TMOD2: variants seen among roughly 807,000 people sequenced by gnomAD.
TMOD2 encodes tropomodulin 2.
TMOD2 carries 22 observed loss-of-function variants against 39.9 expected under a neutral mutation model. That is an observed-to-expected ratio of 0.55 (90% CI 0.39 to 0.79). TMOD2 has a LOEUF of 0.79. Ranked by LOEUF, TMOD2 falls within the 30% of genes least tolerant of loss-of-function variation. The probability of loss-of-function intolerance (pLI) is 0.00; values close to 1 mark genes in which losing one functional copy is unlikely to be tolerated. For synonymous variants in TMOD2, 123 were observed against 146.1 expected, an observed-to-expected ratio of 0.84 and a Z score of 1.14; for missense variants, 386 against 413.3, an observed-to-expected ratio of 0.93 and a Z score of 0.57.
At chr15:51,766,621 A>C (rs2141617174) in intron 2 of TMOD2, 54 bp downstream of exon 2, 2 of 1,578,102 alleles carry the variant, frequency 1.3e-6, no homozygotes, top group Non-Finnish European at 1.7e-6. Flanking sequence ...GATAAATGGC[A>C]TGGCTTGGTC....
At chr15:51,762,924 A>G (rs2055791255) in intron 1 of TMOD2, among the ~76,000 whole-genome samples, 1 of 152,100 alleles carries the variant, frequency 6.6e-6, no homozygotes. Flanking sequence ...TGGATATACG[A>G]CAATTTGTTT....
At chr15:51,759,737 A>G (rs941720723) in intron 1 of TMOD2, among the ~76,000 whole-genome samples, 1 of 152,236 alleles carries the variant, frequency 6.6e-6, no homozygotes, top group Non-Finnish European at 1.5e-5. Context: ...ATCAGCCAGC[A>G]TCCCAACAAG....
chr15:51,800,840 G>A (rs1025163714), intron 8 of TMOD2, among the ~76,000 whole-genome samples: 1 of 151,944 alleles, frequency 6.6e-6, no homozygotes, highest in Non-Finnish European at 1.5e-5. Context: ...TGAGTAACTG[G>A]GACTACAGGC....
intron 3 of TMOD2, among the ~76,000 whole-genome samples, chr15:51,769,190 C>T (rs111395859): frequency 2.6e-5 from 4 of 152,296 alleles, no homozygotes; most frequent in South Asian, 2.1e-4. Context: ...GAAAACATCT[C>T]GAACCCCAAA....
intron 3 of TMOD2, among the ~76,000 whole-genome samples, chr15:51,769,117 A>T (rs936683817): frequency 2.6e-5 from 4 of 152,250 alleles, no homozygotes; most frequent in African/African-American, 9.6e-5. Context: ...GAAAGAAAAA[A>T]GAAACACGAT....
chr15:51,796,886 C>T (rs1039481663), intron 7 of TMOD2, among the ~76,000 whole-genome samples: 4 of 152,106 alleles, frequency 2.6e-5, no homozygotes, highest in South Asian at 2.1e-4. Flanking sequence ...CATCTACCTC[C>T]GGTGATCCTG....
At position 51,816,269 on chromosome 15, in the gene TMOD2, G is replaced by C. The variant is rs758043038; in HGVS notation, c.*7815G>C. 4 of 152,168 alleles carry C rather than the reference G, an allele frequency of 2.6e-5. No individual in the cohort carries two copies. In the East Asian group the frequency reaches 7.7e-4, roughly 29 times the overall value. 9.4% of individuals were successfully genotyped at this position (152,168 alleles called of 1,614,324 possible). ...AATTAATTAAGATCTTTCTGCTTTC[G>C]AAGGTATAATGTATCTATTTCTGTC... On this transcript the variant is annotated 3_prime_UTR_variant, in exon 10 of 10. Coordinates refer to ENST00000249700, the MANE Select transcript of TMOD2 (RefSeq NM_014548.4).
intron 8 of TMOD2, 149 bp downstream of exon 8, chr15:51,798,489 GC>G: frequency 2.0e-6 from 2 of 983,542 alleles, no homozygotes; most frequent in Non-Finnish European, 3.0e-6. Flanking sequence ...ACCATTTCTG[GC>G]CCATGGAGGA....
chr15:51,778,825 T>C (rs1274448601), intron 5 of TMOD2, among the ~76,000 whole-genome samples: 1 of 151,948 alleles, frequency 6.6e-6, no homozygotes, highest in African/African-American at 2.4e-5. Flanking sequence ...CAACTAATTT[T>C]TAGGATTACA....
intron 4 of TMOD2, among the ~76,000 whole-genome samples, chr15:51,776,584 G>A (rs2055890734): frequency 6.6e-6 from 1 of 152,126 alleles, no homozygotes; most frequent in African/African-American, 2.4e-5. Context: ...CTTAGTCTCA[G>A]TCCCACCTTC....
chr15:51,795,630 C>A (rs2056046037), intron 7 of TMOD2, among the ~76,000 whole-genome samples: 1 of 120,066 alleles, frequency 8.3e-6, no homozygotes, highest in African/African-American at 3.2e-5. Context: ...TTCTTTCTTT[C>A]TTTCTTTCTC....
intron 7 of TMOD2, among the ~76,000 whole-genome samples, chr15:51,793,026 T>G (rs967381335): frequency 6.6e-6 from 1 of 151,524 alleles, no homozygotes; most frequent in African/African-American, 2.4e-5. Flanking sequence ...TAAAAAGAAA[T>G]AAAACATGAG....
Position 51,751,622 on chromosome 15 carries a change from A to ACGGCGCCGCCCCTGTTCTCC in TMOD2, c.-155_-136dup. The ACGGCGCCGCCCCTGTTCTCC allele has an allele frequency of 4.9e-6, 1 of 202,712 alleles. No homozygotes were observed. The highest frequency in any genetic ancestry group is 1.9e-4 in the South Asian group (1 of 5,280). 12.6% of individuals were successfully genotyped at this position (202,712 alleles called of 1,614,324 possible). A position where few individuals can be genotyped will look rare whatever the true frequency, so the allele number is the denominator to read the frequency against. On this transcript the variant is annotated 5_prime_UTR_variant, in exon 1 of 10. Transcript: ENST00000249700. ...GTTGATCGCCGCGCTCGCCCCGGCC[A>ACGGCGCCGCCCCTGTTCTCC]CGGCGCCGCCCCTGTTCTCCCGGCC...
At chr15:51,785,281 G>A (rs1011282277) in intron 7 of TMOD2, among the ~76,000 whole-genome samples, 4 of 151,722 alleles carry the variant, frequency 2.6e-5, no homozygotes, top group African/African-American at 7.3e-5. Flanking sequence ...GCGCGGTGGC[G>A]GGCGCCTGTA....
intron 7 of TMOD2, among the ~76,000 whole-genome samples, chr15:51,795,581 T>G (rs60510450): frequency 0.093 from 1,659 of 17,806 alleles, 15 homozygotes; most frequent in East Asian, 0.11. Context: ...TTGCTTGCTT[T>G]CTTTCTTTCT....
rs746103358 is a variant in TMOD2 at position 51,781,029 on chromosome 15, A to G, written c.494-15A>G. ...AGAGACTTTGCATTTTTTAAAATGA[A>G]AACTTGTGTTTTAGATGTTGTCAAA... is the stretch of plus-strand genomic sequence containing the variant. On this transcript the variant is annotated splice_polypyrimidine_tract_variant and intron_variant, in intron 5 of 9. Transcript: ENST00000249700. 30 of 1,570,986 alleles carry G rather than the reference A, an allele frequency of 1.9e-5. No individual in the cohort carries two copies. Among genetic ancestry groups the G allele is most frequent in the Non-Finnish European group, 2.6e-5 (30 of 1,162,994 alleles).
At chr15:51,783,260 G>A in intron 7 of TMOD2, 1 of 163,788 alleles carries the variant, frequency 6.1e-6, no homozygotes, top group East Asian at 1.9e-4. Flanking sequence ...GAGGTGGGTG[G>A]ATCATGAGGT....
chr15:51,790,866 G>C (rs1360639429), intron 7 of TMOD2, among the ~76,000 whole-genome samples: 1 of 152,108 alleles, frequency 6.6e-6, no homozygotes, highest in Non-Finnish European at 1.5e-5. Flanking sequence ...AACATAATAA[G>C]AGCTGTTCAT....
At chr15:51,781,262 T>G (rs1228582790) in intron 6 of TMOD2, 88 bp downstream of exon 6, 7 of 1,265,924 alleles carry the variant, frequency 5.5e-6, no homozygotes, top group Non-Finnish European at 7.6e-6. Context: ...TTTTCACACC[T>G]GTTTGCAGTT....
Sources: gnomAD v4.1 joint callset for allele counts (sites outside exome capture counted in the v4.1 genomes callset) on GRCh38, gnomAD v4.1.1 for gene constraint, MANE v1.5 for transcripts, NCBI Gene and HGNC (gene_info 2026-07-23, HGNC 2026-07-21) for gene names.